PAX7: variants seen among roughly 807,000 people sequenced by gnomAD.
PAX7 encodes paired box 7.
PAX7 carries 18 observed loss-of-function variants against 50.7 expected under a neutral mutation model. The observed-to-expected ratio is 0.36, with a 90% CI of 0.25 to 0.53. The LOEUF (loss-of-function observed/expected upper bound fraction) is 0.53, where lower values mean the gene tolerates loss of function less well. PAX7 is among the 20% of genes least tolerant of loss of function. The pLI is 0.93. For synonymous variants in PAX7, 310 were observed against 290.4 expected (o/e 1.07, Z -0.69); for missense variants, 644 against 702.9 (o/e 0.92, Z 0.95).
rs533910327 is a variant in PAX7, at chr1:18,700,568, C to T, written c.787-85C>T. On this transcript the variant is annotated intron_variant, in intron 5 of 8. Transcript: ENST00000420770. The surrounding 1 kb of genome is among the most constrained non-coding windows in gnomAD (Gnocchi z 4.8). ...TGCTGGCTGGATCAGAGGGTGATGGCTTGGGCAACTGGGTCTACATGTGTT... is the reference window on the plus strand; with the variant it reads ...TGCTGGCTGGATCAGAGGGTGATGGTTTGGGCAACTGGGTCTACATGTGTT... 3.9e-6 allele frequency: 5 copies of T among 1,293,388 alleles called. No homozygotes were observed. Among genetic ancestry groups the T allele is most frequent in the East Asian group, 2.7e-5 (1 of 36,664 alleles). 80.1% of individuals were successfully genotyped at this position (1,293,388 alleles called of 1,614,324 possible).
chr1:18,649,865 A>T (rs915778029), intron 4 of PAX7, among the ~76,000 whole-genome samples: 5 of 152,246 alleles, frequency 3.3e-5, no homozygotes, highest in African/African-American at 4.8e-5. Context: ...ATTCTGGAAG[A>T]GCCGCTTCAT....
rs200642644 is a variant in PAX7, at chr1:18,700,677, C to T, written c.811C>T (p.Arg271Cys). 7 of 1,581,604 alleles carry T rather than the reference C, an allele frequency of 4.4e-6. No homozygotes were observed. Among genetic ancestry groups the T allele is most frequent in the East Asian group, 2.4e-5 (1 of 41,100 alleles). Residue 271 changes from arginine (R) to cysteine (C), a missense_variant, in exon 6 of 9, where the codon CGT becomes TGT. Arg to Cys is a radical substitution (Grantham distance 180). Transcript: ENST00000420770. This position sits in a 1 kb window ranked among gnomAD's most constrained non-coding sequence, Gnocchi z 4.8. ...GGTCTGGTTCAGTAACCGCCGCGCC[C>T]GTTGGCGTAAGCAGGCAGGAGCCAA... ...VQVWFSNRRA[R>C]WRKQAGANQL...
chr1:18,697,162 A>C (rs774765617), intron 5 of PAX7, among the ~76,000 whole-genome samples: 1 of 152,164 alleles, frequency 6.6e-6, no homozygotes, highest in Admixed American at 6.5e-5. Flanking sequence ...GCCAGATGGA[A>C]TATTGGACAC....
intron 7 of PAX7, among the ~76,000 whole-genome samples, chr1:18,709,800 C>G (rs945033007): frequency 6.6e-6 from 1 of 152,170 alleles, no homozygotes; most frequent in African/African-American, 2.4e-5. Flanking sequence ...CACGATGCTA[C>G]TGTGTTGTAT....
chr1:18,706,563 G>GCAATTCTCCTGTCTTCGCCTC, intron 7 of PAX7, among the ~76,000 whole-genome samples: 1 of 149,680 alleles, frequency 6.7e-6, no homozygotes, highest in Non-Finnish European at 1.5e-5. Flanking sequence ...CTGGGTTCAA[G>GCAATTCTCCTGTCTTCGCCTC]CAATTCTCCT....
In PAX7 at chr1:18,631,442, G is replaced by C; in HGVS notation, c.-162G>C. The C allele has an allele frequency of 3.1e-6, 2 of 639,474 alleles. No individual in the cohort carries two copies. The highest frequency in any genetic ancestry group is 5.6e-6 in the Non-Finnish European group (2 of 359,692). The allele number at this position is 639,474 out of a possible 1,614,324, so 39.6% of individuals were successfully genotyped here. ...TTCTGGACGCGTTTGACTGCAGCCAGGGGTGGGGGGTGGGGGTAGGGAGTG... is the reference window on the plus strand; with the variant it reads ...TTCTGGACGCGTTTGACTGCAGCCACGGGTGGGGGGTGGGGGTAGGGAGTG... On this transcript the variant is annotated 5_prime_UTR_variant, in exon 1 of 9. Coordinates refer to ENST00000420770, the MANE Select transcript of PAX7 (RefSeq NM_001135254.2).
rs577857072 is a variant in PAX7, at chr1:18,635,140, G to C, written c.351G>C (p.Lys117Asn). ...RQVATPDVEK[K>N]IEEYKRENPG... is the part of the protein sequence containing the mutation. ...TGGCGACTCCGGATGTAGAGAAAAA[G>C]ATTGAGGAGTACAAGAGGGAAAACC... Residue 117 changes from lysine to asparagine, a missense_variant, in exon 3 of 9, where the codon AAG (lysine) becomes AAC (asparagine). Transcript: ENST00000420770. 3.1e-6 allele frequency: 5 copies of C among 1,613,982 alleles called. No individual in the cohort carries two copies. The African/African-American group carries it at 6.7e-5, about 22-fold the overall frequency.
At chr1:18,708,762 T>G (rs1462335239) in intron 7 of PAX7, among the ~76,000 whole-genome samples, 2 of 151,954 alleles carry the variant, frequency 1.3e-5, no homozygotes, top group Non-Finnish European at 2.9e-5. Context: ...ATCTCCAGTC[T>G]GGTGGGGAAG....
Position 18,631,321 on chromosome 1 carries a change from C to A in PAX7, c.-283C>A. On this transcript the variant is annotated 5_prime_UTR_variant, in exon 1 of 9. Transcript: ENST00000420770. Reference sequence around the variant, plus strand: ...TCTGGCCGAGGCCAGCCGGCAGAGGCGGACTTGGGGTTGGAGTGTTTGTTT... The same window carrying A: ...TCTGGCCGAGGCCAGCCGGCAGAGGAGGACTTGGGGTTGGAGTGTTTGTTT... The A allele has an allele frequency of 2.9e-6, 1 of 342,808 alleles. No individual in the cohort carries two copies. The highest frequency in any genetic ancestry group is 5.4e-6 in the Non-Finnish European group (1 of 186,904). The allele number at this position is 342,808 out of a possible 1,614,324, so 21.2% of individuals were successfully genotyped here. A position where few individuals can be genotyped will look rare whatever the true frequency, so the allele number is the denominator to read the frequency against.
chr1:18,696,085 G>A (rs1184721789), intron 5 of PAX7, among the ~76,000 whole-genome samples: 1 of 55,300 alleles, frequency 1.8e-5, no homozygotes, highest in African/African-American at 7.5e-5. Flanking sequence ...TTTTTTTTTT[G>A]AGACAGAGTT....
intron 8 of PAX7, among the ~76,000 whole-genome samples, chr1:18,737,925 C>A (rs1930880513): frequency 6.6e-6 from 1 of 152,194 alleles, no homozygotes; most frequent in African/African-American, 2.4e-5. Context: ...ACTGTATGTA[C>A]ATGTGTATAG....
intron 4 of PAX7, among the ~76,000 whole-genome samples, chr1:18,690,090 C>G (rs2089045093): frequency 1.3e-5 from 2 of 152,320 alleles, no homozygotes; most frequent in African/African-American, 2.4e-5. Context: ...TAGCTTGACT[C>G]AGGCTGAATG....
chr1:18,707,034 C>T (rs961461754), intron 7 of PAX7, among the ~76,000 whole-genome samples: 1 of 152,232 alleles, frequency 6.6e-6, no homozygotes, highest in African/African-American at 2.4e-5. Context: ...ATTTACTCAT[C>T]TCATCTCTGC....
At position 18,726,423 on chromosome 1, in the gene PAX7, AT is replaced by A. The variant is rs1276064702; in HGVS notation, c.1156-9207del. Among the ~76,000 whole-genome samples the A allele has an allele frequency of 6.6e-6, 1 of 152,220 alleles. No homozygotes were observed. The highest frequency in any genetic ancestry group is 1.5e-5 in the Non-Finnish European group (1 of 68,042). ...GATAAATTCATTTCTTCATTCATGAATTCCTCACTTAGCAAATGTTTATTGG... is the reference window on the plus strand; with the variant it reads ...GATAAATTCATTTCTTCATTCATGAATCCTCACTTAGCAAATGTTTATTGG... On this transcript the variant is annotated intron_variant, in intron 7 of 8. Transcript: ENST00000420770. This position sits in a 1 kb window ranked among gnomAD's most constrained non-coding sequence, Gnocchi z 4.8.
Position 18,636,178 on chromosome 1 carries a change from A to C in PAX7, c.452-59A>C. The C allele has an allele frequency of 1.3e-6, 2 of 1,579,766 alleles. No homozygotes were observed. The highest frequency in any genetic ancestry group is 2.3e-5 in the South Asian group (2 of 86,720). ...TGACTTTCTCCCAGGGGCCCAGGCCACCGCTCGCTCCTCTGCTCCAACAAC... is the reference window on the plus strand; with the variant it reads ...TGACTTTCTCCCAGGGGCCCAGGCCCCCGCTCGCTCCTCTGCTCCAACAAC... On this transcript the variant is annotated intron_variant, in intron 3 of 8. Transcript: ENST00000420770. This position sits in a 1 kb window ranked among gnomAD's most constrained non-coding sequence, Gnocchi z 5.1.
intron 8 of PAX7, 137 bp downstream of exon 8, chr1:18,736,015 C>T: frequency 6.3e-7 from 1 of 1,583,908 alleles, no homozygotes; most frequent in Non-Finnish European, 8.6e-7. Flanking sequence ...AATTGAAGTC[C>T]AGCCAGATGG....
intron 5 of PAX7, among the ~76,000 whole-genome samples, chr1:18,694,944 ACATTGTATG>A (rs2089132143): frequency 6.6e-6 from 1 of 152,210 alleles, no homozygotes. Context: ...AGTACTGCTT[ACATTGTATG>A]GCTTCATACA....
intron 7 of PAX7, among the ~76,000 whole-genome samples, chr1:18,728,162 G>A (rs1440289057): frequency 6.6e-6 from 1 of 152,152 alleles, no homozygotes; most frequent in Non-Finnish European, 1.5e-5. Context: ...GGGCGCACAG[G>A]TTTGCGTGAG....
At chr1:18,639,383 G>A (rs2088211442) in intron 4 of PAX7, among the ~76,000 whole-genome samples, 1 of 135,622 alleles carries the variant, frequency 7.4e-6, no homozygotes, top group Non-Finnish European at 1.5e-5. Flanking sequence ...TGATATTCAT[G>A]AGGCTGTTCA....
Sources: gnomAD v4.1 joint callset for allele counts (sites outside exome capture counted in the v4.1 genomes callset) on GRCh38, gnomAD v4.1.1 for gene constraint, Gnocchi (gnomAD v3.1) non-coding constraint, MANE v1.5 for transcripts, NCBI Gene and HGNC (gene_info 2026-07-23, HGNC 2026-07-21) for gene names.